The following CLSTN2 variants were observed in gnomAD, a reference collection of about 807,000 sequenced individuals.
The protein encoded by CLSTN2 is calsyntenin-2.
Under a neutral mutation model 101.2 loss-of-function variants are expected in CLSTN2, and 48 were observed. That is an observed-to-expected ratio of 0.47 (90% CI 0.38 to 0.60). The LOEUF is 0.60. CLSTN2 is among the 20% of genes least tolerant of loss of function. The pLI, the probability that CLSTN2 is intolerant of heterozygous loss-of-function variation, is 0.00. For synonymous variants in CLSTN2, 481 were observed against 463.6 expected (o/e 1.04, Z -0.48); for missense variants, 1,160 against 1,238.2 (o/e 0.94, Z 0.95).
At chr3:139,978,648 TTG>T (rs552137591) in intron 1 of CLSTN2, among the ~76,000 whole-genome samples, 1,774 of 135,498 alleles carry the variant, frequency 0.013, 29 homozygotes, top group African/African-American at 0.024. Context: ...GGATGGGGGA[TTG>T]TGTGTGTGTG....
chr3:139,944,009 G>T (rs1288206866), intron 1 of CLSTN2, among the ~76,000 whole-genome samples: 1 of 152,134 alleles, frequency 6.6e-6, no homozygotes, highest in Non-Finnish European at 1.5e-5. Flanking sequence ...TGCCCATCTG[G>T]CCTTCTCTCC....
chr3:140,284,912 C>T (rs2086882003), intron 2 of CLSTN2, among the ~76,000 whole-genome samples: 1 of 152,056 alleles, frequency 6.6e-6, no homozygotes, highest in Admixed American at 6.6e-5. Flanking sequence ...AACTAGCCTG[C>T]CAACCCCCAC....
At chr3:140,342,933 A>G (rs983125269) in intron 2 of CLSTN2, among the ~76,000 whole-genome samples, 1 of 152,210 alleles carries the variant, frequency 6.6e-6, no homozygotes, top group Non-Finnish European at 1.5e-5. Flanking sequence ...CAAGAGAACC[A>G]GGTGGAAACT....
chr3:140,194,038 C>A (rs56183794), intron 2 of CLSTN2, among the ~76,000 whole-genome samples: 5,898 of 152,080 alleles, frequency 0.039, 169 homozygotes, highest in Non-Finnish European at 0.062. Context: ...TCTACTTTTT[C>A]TTTTGATTCA....
At chr3:140,500,981 A>G (rs1934563691) in intron 8 of CLSTN2, among the ~76,000 whole-genome samples, 1 of 152,170 alleles carries the variant, frequency 6.6e-6, no homozygotes, top group Non-Finnish European at 1.5e-5. Flanking sequence ...ATTATGATTG[A>G]GTACCAGTCT....
At chr3:140,396,665 G>A (rs1375698735) in intron 2 of CLSTN2, among the ~76,000 whole-genome samples, 1 of 152,134 alleles carries the variant, frequency 6.6e-6, no homozygotes, top group Non-Finnish European at 1.5e-5. Flanking sequence ...AGCCCATCTG[G>A]GCCAGATTTG....
chr3:140,485,187 A>G (rs944457466), intron 8 of CLSTN2, among the ~76,000 whole-genome samples: 10 of 152,250 alleles, frequency 6.6e-5, no homozygotes, highest in Non-Finnish European at 1.2e-4. Flanking sequence ...GAGGACCCTC[A>G]GCCACAGGTC....
intron 1 of CLSTN2, among the ~76,000 whole-genome samples, chr3:139,960,766 C>T (rs953003388): frequency 4.6e-5 from 7 of 152,160 alleles, no homozygotes; most frequent in African/African-American, 1.7e-4. Context: ...GCTGACTCAG[C>T]TTCATACTTG....
intron 10 of CLSTN2, among the ~76,000 whole-genome samples, chr3:140,551,335 C>A (rs1312358599): frequency 6.6e-6 from 1 of 152,134 alleles, no homozygotes; most frequent in Admixed American, 6.5e-5. Flanking sequence ...CTTTACCTGT[C>A]TTCTTCTGAA....
At chr3:140,352,508 AACAATT>A (rs2087619433) in intron 2 of CLSTN2, among the ~76,000 whole-genome samples, 1 of 152,212 alleles carries the variant, frequency 6.6e-6, no homozygotes, top group South Asian at 2.1e-4. Context: ...AGGATTCTGG[AACAATT>A]ACCTTGTAAA....
chr3:140,187,126 T>C (rs1376626002), intron 2 of CLSTN2, among the ~76,000 whole-genome samples: 1 of 152,216 alleles, frequency 6.6e-6, no homozygotes, highest in Non-Finnish European at 1.5e-5. Context: ...GGTATAACAC[T>C]GCAGCCTGCC....
chr3:140,437,144 G>T (rs1337960968), intron 5 of CLSTN2, among the ~76,000 whole-genome samples: 2 of 151,644 alleles, frequency 1.3e-5, no homozygotes, highest in Non-Finnish European at 2.9e-5. Flanking sequence ...TGCCTCCCAG[G>T]TTCACGCCAT....
At chr3:140,243,038 A>T (rs2086484362) in intron 2 of CLSTN2, among the ~76,000 whole-genome samples, 3 of 152,226 alleles carry the variant, frequency 2.0e-5, no homozygotes, top group Admixed American at 2.0e-4. Flanking sequence ...AGCCCATAGC[A>T]CATTTCTTCT....
rs538831459 is a variant in CLSTN2, at chr3:140,029,899, A to G, written c.109+94416A>G. Among the ~76,000 whole-genome samples, 70 of 152,280 alleles carry G rather than the reference A, an allele frequency of 4.6e-4. 1 individual carries two copies. Among genetic ancestry groups the G allele is most frequent in the African/African-American group, 1.6e-3 (66 of 41,558 alleles). ...CCAAGACCCAAATTGGAGGCAACCG[A>G]ATTTCAAAGTTGCCAGAATGCAGAA... On this transcript the variant is annotated intron_variant, in intron 1 of 16. Transcript: ENST00000458420.
chr3:140,536,896 C>T (rs1411653726), intron 9 of CLSTN2, among the ~76,000 whole-genome samples: 1 of 152,132 alleles, frequency 6.6e-6, no homozygotes, highest in East Asian at 1.9e-4. Flanking sequence ...CCTGGGACAC[C>T]ACACTGCTTT....
chr3:140,120,072 C>T (rs2009314056), intron 1 of CLSTN2, among the ~76,000 whole-genome samples: 4 of 152,166 alleles, frequency 2.6e-5, no homozygotes, highest in African/African-American at 9.7e-5. Context: ...CAGTGGATGC[C>T]AGCTAGGTGT....
chr3:139,936,694 GAGGC>G (rs1346398852), intron 1 of CLSTN2, among the ~76,000 whole-genome samples: 1 of 152,206 alleles, frequency 6.6e-6, no homozygotes, highest in Non-Finnish European at 1.5e-5. Flanking sequence ...GGGAGAGCTG[GAGGC>G]AGGCAGTTCG....
intron 2 of CLSTN2, among the ~76,000 whole-genome samples, chr3:140,326,559 C>T (rs569523163): frequency 6.6e-6 from 1 of 152,222 alleles, no homozygotes; most frequent in Admixed American, 6.5e-5. Context: ...GAGGTTTTCA[C>T]ATTAACACAT....
chr3:140,188,526 C>G (rs550797515), intron 2 of CLSTN2, among the ~76,000 whole-genome samples: 1 of 152,232 alleles, frequency 6.6e-6, no homozygotes, highest in African/African-American at 2.4e-5. Context: ...GCCATCCCAG[C>G]TGGTGTGCTT....
Sources: allele counts gnomAD v4.1 joint callset (sites outside exome capture counted in the v4.1 genomes callset), GRCh38; gene constraint gnomAD v4.1.1; transcripts MANE v1.5; gene names NCBI Gene and HGNC (gene_info 2026-07-23, HGNC 2026-07-21).